Variants in FAM83A observed in about 807,000 individuals in gnomAD.
FAM83A encodes the protein protein FAM83A.
A neutral mutation model predicts 24.4 loss-of-function variants in FAM83A; 21 were observed. That is an observed-to-expected ratio of 0.86 (90% CI 0.61 to 1.24). The LOEUF (loss-of-function observed/expected upper bound fraction) is 1.24, where lower values mean the gene tolerates loss of function less well. Among genes scored for constraint, FAM83A ranks in the 50% most tolerant of loss-of-function variants. FAM83A has a pLI of 0.00. For synonymous variants in FAM83A, 270 were observed against 252.4 expected, an observed-to-expected ratio of 1.07 and a Z score of -0.66; for missense variants, 617 against 579.8, an observed-to-expected ratio of 1.06 and a Z score of -0.66.
rs1227595373 is a variant in FAM83A at position 123,200,967 on chromosome 8, A to AT, written c.774-6190_774-6189insT. The stretch of plus-strand genomic sequence containing the variant: ...TCTCAAACAAATAAACAAAAAAAAA[A>AT]AATATATATATATATATACACATAT... On this transcript the variant is annotated intron_variant, in intron 3 of 3. Coordinates refer to ENST00000690554, the Ensembl canonical transcript of FAM83A. 7.3e-4 allele frequency among the ~76,000 whole-genome samples: 101 copies of AT among 137,648 alleles called. 1 individual carries two copies. The highest frequency in any genetic ancestry group is 7.7e-3 in the Middle Eastern group (2 of 260). 90.3% of individuals were successfully genotyped at this position (137,648 alleles called of 152,430 possible).
chr8:123,185,866 C>T (rs1823773825), intron 1 of FAM83A, among the ~76,000 whole-genome samples: 1 of 152,216 alleles, frequency 6.6e-6, no homozygotes. Flanking sequence ...TCTTGGCTCA[C>T]TGCAACCTCT....
At chr8:123,198,746 G>A (rs1267431376) in intron 3 of FAM83A, among the ~76,000 whole-genome samples, 1 of 152,106 alleles carries the variant, frequency 6.6e-6, no homozygotes, top group Non-Finnish European at 1.5e-5. Flanking sequence ...AATGTGTTAG[G>A]TCGTACCCCA....
intron 3 of FAM83A, among the ~76,000 whole-genome samples, chr8:123,200,964 AAAAAAT>A (rs1382885261): frequency 6.8e-6 from 1 of 146,156 alleles, no homozygotes; most frequent in Non-Finnish European, 1.5e-5. Flanking sequence ...AAACAAAAAA[AAAAAAT>A]ATATATATAT....
At chr8:123,182,573 G>T (rs766721985), upstream of FAM83A, 7 of 633,568 alleles carry the variant, frequency 1.1e-5, no homozygotes, top group South Asian at 3.0e-5. Context: ...TCCCATGGCT[G>T]ACTGTGCCAA....
At chr8:123,196,780 G>A (rs1270941053) in intron 3 of FAM83A, among the ~76,000 whole-genome samples, 1 of 152,168 alleles carries the variant, frequency 6.6e-6, no homozygotes, top group Non-Finnish European at 1.5e-5. Context: ...GTGTTGTAAG[G>A]CTGTGGCAAT....
upstream of FAM83A, chr8:123,182,017 T>C (rs545856374): frequency 5.3e-4 from 241 of 456,144 alleles, no homozygotes; most frequent in South Asian, 8.8e-4. Context: ...GCTGCTCCTC[T>C]CACTCCAGCG....
At chr8:123,181,047 A>G (rs185345905), upstream of FAM83A, among the ~76,000 whole-genome samples, 839 of 152,184 alleles carry the variant, frequency 5.5e-3, 8 homozygotes, top group African/African-American at 0.019. Context: ...GGGTTGAAGC[A>G]ATTCTCCTGC....
intron 3 of FAM83A, among the ~76,000 whole-genome samples, chr8:123,198,143 TAA>T (rs1824224919): frequency 6.6e-6 from 1 of 152,026 alleles, no homozygotes; most frequent in South Asian, 2.1e-4. Flanking sequence ...AATAAATAAA[TAA>T]ATAAATAAAG....
upstream of FAM83A, chr8:123,182,001 C>G: frequency 2.2e-6 from 1 of 455,906 alleles, no homozygotes; most frequent in Non-Finnish European, 4.4e-6. Context: ...GATTTCAAAC[C>G]CACGTGCTGC....
Position 123,183,408 on chromosome 8 carries a change from G to A in FAM83A, c.480+72G>A, listed in dbSNP as rs953385177. The A allele has an allele frequency of 1.6e-5, 25 of 1,539,682 alleles. No homozygotes were observed. The South Asian group carries it at 1.6e-4, about 10-fold the overall frequency. On this transcript the variant is annotated intron_variant, in intron 1 of 3. Transcript: ENST00000690554. ...ATCGGGGGCTGATAGAGCAGGGAGGGGGGTGCATTTTGCTCCCAGGGCGAG... is the reference window on the plus strand; with the variant it reads ...ATCGGGGGCTGATAGAGCAGGGAGGAGGGTGCATTTTGCTCCCAGGGCGAG...
chr8:123,196,966 C>T (rs984900547), intron 3 of FAM83A, among the ~76,000 whole-genome samples: 2 of 152,202 alleles, frequency 1.3e-5, no homozygotes, highest in African/African-American at 4.8e-5. Context: ...ATCTGACCTC[C>T]TCATCCCTAA....
chr8:123,198,426 T>A (rs903215087), intron 3 of FAM83A, among the ~76,000 whole-genome samples: 42 of 152,292 alleles, frequency 2.8e-4, no homozygotes, highest in African/African-American at 9.9e-4. Context: ...ATTATCTGTG[T>A]GCATGATGAA....
intron 3 of FAM83A, among the ~76,000 whole-genome samples, chr8:123,203,721 TCACAAGAG>T (rs1824445302): frequency 6.6e-6 from 1 of 150,952 alleles, no homozygotes; most frequent in African/African-American, 2.4e-5. Flanking sequence ...GTGCTGAGAC[TCACAAGAG>T]CACAAGAGCA....
exon 4 of FAM83A, chr8:123,208,056 TA>T: frequency 9.5e-7 from 1 of 1,057,760 alleles, no homozygotes; most frequent in Admixed American, 5.4e-5. Context: ...TACAAATGGG[TA>T]AACAGAGGCA....
intron 2 of FAM83A, 98 bp downstream of exon 2, chr8:123,192,068 T>G: frequency 7.3e-7 from 1 of 1,375,274 alleles, no homozygotes; most frequent in Middle Eastern, 2.3e-4. Flanking sequence ...TGTTAATAGC[T>G]TAACACAATA....
Position 123,209,474 on chromosome 8 carries a change from T to G in FAM83A, c.*1786T>G, listed in dbSNP as rs1824667032. ...ACAAAAACAAAAAAACAAACAACAC[T>G]TTGGTTCCTGATGGCTTTCTGAACC... On this transcript the variant is annotated 3_prime_UTR_variant, in exon 4 of 4. Transcript: ENST00000690554. The surrounding 1 kb of genome is among the most constrained non-coding windows in gnomAD (Gnocchi z 4.7). 2 of 1,614,208 alleles carry G rather than the reference T, an allele frequency of 1.2e-6. No individual in the cohort carries two copies. Among genetic ancestry groups the G allele is most frequent in the East Asian group, 4.5e-5 (2 of 44,894 alleles).
At position 123,209,672 on chromosome 8, in the gene FAM83A, C is replaced by A; in HGVS notation, c.*1984C>A. 1 of 1,100,346 alleles carries A rather than the reference C, an allele frequency of 9.1e-7. No individual in the cohort carries two copies. The highest frequency in any genetic ancestry group is 1.3e-6 in the Non-Finnish European group (1 of 750,066). 68.2% of individuals were successfully genotyped at this position (1,100,346 alleles called of 1,614,324 possible). A position where few individuals can be genotyped will look rare whatever the true frequency, so the allele number is the denominator to read the frequency against. On this transcript the variant is annotated 3_prime_UTR_variant, in exon 4 of 4. Coordinates refer to ENST00000690554, the Ensembl canonical transcript of FAM83A. This position sits in a 1 kb window ranked among gnomAD's most constrained non-coding sequence, Gnocchi z 4.7. ...AGCTTTCCAAAGGCCTCAGCCTGTG[C>A]CTGTGTCGAGCTCAGTCCTGGGAGA...
intron 1 of FAM83A, 92 bp downstream of exon 1, chr8:123,183,428 GGC>G: frequency 6.6e-7 from 1 of 1,517,552 alleles, no homozygotes; most frequent in Non-Finnish European, 8.8e-7. Flanking sequence ...TTGCTCCCAG[GGC>G]GAGAGTCCAG....
At chr8:123,190,451 G>C (rs1211139005) in intron 1 of FAM83A, among the ~76,000 whole-genome samples, 1 of 149,814 alleles carries the variant, frequency 6.7e-6, no homozygotes, top group Non-Finnish European at 1.5e-5. Flanking sequence ...TTTTAGTAGA[G>C]ACGAGCTTTC....
Sources: allele counts gnomAD v4.1 joint callset (sites outside exome capture counted in the v4.1 genomes callset), GRCh38; gene constraint gnomAD v4.1.1; non-coding constraint Gnocchi (gnomAD v3.1); transcripts MANE v1.5; gene names NCBI Gene and HGNC (gene_info 2026-07-23, HGNC 2026-07-21).